The following RNF220 variants were observed in gnomAD, a reference collection of about 807,000 sequenced individuals.
RNF220 encodes the protein E3 ubiquitin-protein ligase RNF220.
A neutral mutation model predicts 67.1 loss-of-function variants in RNF220; 7 were observed. The observed-to-expected ratio is 0.10, with a 90% CI of 0.06 to 0.20. The LOEUF is 0.20. Among genes scored for constraint, RNF220 ranks in the 10% least tolerant of loss-of-function variants. The pLI is 1.00. For synonymous variants in RNF220, 270 were observed against 283.2 expected (o/e 0.95, Z 0.47); for missense variants, 565 against 740.3 (o/e 0.76, Z 2.75).
At chr1:44,466,053 A>G (rs1448377989) in intron 2 of RNF220, among the ~76,000 whole-genome samples, 3 of 152,246 alleles carry the variant, frequency 2.0e-5, no homozygotes, top group African/African-American at 7.2e-5. Context: ...TTTTACTCAC[A>G]GTAGAACTTC....
intron 2 of RNF220, among the ~76,000 whole-genome samples, chr1:44,451,797 T>G (rs543298461): frequency 3.3e-5 from 5 of 152,214 alleles, no homozygotes; most frequent in African/African-American, 1.2e-4. Flanking sequence ...ATTTTTGTAT[T>G]TTTGGTACAG....
chr1:44,566,901 G>A (rs76656074), intron 2 of RNF220, among the ~76,000 whole-genome samples: 2 of 152,334 alleles, frequency 1.3e-5, no homozygotes, highest in African/African-American at 4.8e-5. Flanking sequence ...CCATCCCCCT[G>A]TGGTTTTCAG....
Position 44,624,037 on chromosome 1 carries a change from C to A in RNF220, c.804+1250C>A, listed in dbSNP as rs1039943200. On this transcript the variant is annotated intron_variant, in intron 4 of 14. Transcript: ENST00000361799. The surrounding 1 kb of genome is among the most constrained non-coding windows in gnomAD (Gnocchi z 4.2). ...CAAAGGTATAGGAATGGATCGTGTA[C>A]CTTCGTTTAGAAAACTGCTCACCTG... is the stretch of plus-strand genomic sequence containing the variant. 6.6e-6 allele frequency among the ~76,000 whole-genome samples: 1 copy of A among 152,220 alleles called. No individual in the cohort carries two copies. The highest frequency in any genetic ancestry group is 1.5e-5 in the Non-Finnish European group (1 of 68,038).
chr1:44,483,550 A>G (rs1656022137), intron 2 of RNF220, among the ~76,000 whole-genome samples: 2 of 152,184 alleles, frequency 1.3e-5, no homozygotes, highest in South Asian at 4.1e-4. Context: ...CCAGGCCCAG[A>G]GCTAGCTAAA....
intron 2 of RNF220, among the ~76,000 whole-genome samples, chr1:44,509,885 C>A (rs4601623): frequency 0.83 from 87,252 of 105,566 alleles, 34,903 homozygotes; most frequent in South Asian, 0.9. Flanking sequence ...AGACCCTGTC[C>A]AAAAAAAAAA....
At chr1:44,535,135 C>CTTTTT (rs903715852) in intron 2 of RNF220, among the ~76,000 whole-genome samples, 11 of 103,000 alleles carry the variant, frequency 1.1e-4, no homozygotes, top group East Asian at 2.8e-4. Flanking sequence ...GCAGCTTCTT[C>CTTTTT]TTTTTTTTTT....
At position 44,478,172 on chromosome 1, in the gene RNF220, G is replaced by A. The variant is rs948816744; in HGVS notation, c.625+65450G>A. Reference sequence around the variant, plus strand: ...TTTTTATATTTTTAGTAGAGACGGGGTTTCACCATGTTAGCCAGTCTGGTC... The same window carrying A: ...TTTTTATATTTTTAGTAGAGACGGGATTTCACCATGTTAGCCAGTCTGGTC... On this transcript the variant is annotated intron_variant, in intron 2 of 14. Coordinates refer to ENST00000361799, the MANE Select transcript of RNF220 (RefSeq NM_018150.4). Among the ~76,000 whole-genome samples the A allele has an allele frequency of 7.2e-5, 11 of 152,150 alleles. 2 individuals carry two copies. The South Asian group carries it at 1.7e-3, about 23-fold the overall frequency.
intron 2 of RNF220, among the ~76,000 whole-genome samples, chr1:44,552,812 G>A (rs771940230): frequency 5.9e-5 from 9 of 151,810 alleles, no homozygotes; most frequent in Admixed American, 3.3e-4. Context: ...CTCGTGATCC[G>A]CCCGCCTTGG....
At chr1:44,426,281 A>G (rs1649762663) in intron 2 of RNF220, among the ~76,000 whole-genome samples, 1 of 152,150 alleles carries the variant, frequency 6.6e-6, no homozygotes, top group African/African-American at 2.4e-5. Context: ...TGCCCTAGAG[A>G]TCTTTCCTAG....
At chr1:44,610,886 C>T (rs973302013) in intron 2 of RNF220, among the ~76,000 whole-genome samples, 16 of 152,202 alleles carry the variant, frequency 1.1e-4, no homozygotes, top group African/African-American at 3.6e-4. Flanking sequence ...ACAGCCCCCT[C>T]GTCTTGGCCA....
At chr1:44,413,651 T>C (rs564529753) in intron 2 of RNF220, among the ~76,000 whole-genome samples, 1 of 152,326 alleles carries the variant, frequency 6.6e-6, no homozygotes, top group African/African-American at 2.4e-5. Flanking sequence ...ATTTATGAAC[T>C]GAGGGTGTTT....
chr1:44,552,559 A>ACTG (rs1558036282), intron 2 of RNF220, among the ~76,000 whole-genome samples: 7 of 103,272 alleles, frequency 6.8e-5, no homozygotes, highest in Admixed American at 1.4e-4. Flanking sequence ...GCTATTCTAA[A>ACTG]CTTCTTCTTT....
chr1:44,458,123 G>A (rs540880179), intron 2 of RNF220, among the ~76,000 whole-genome samples: 44 of 151,982 alleles, frequency 2.9e-4, no homozygotes, highest in African/African-American at 9.9e-4. Flanking sequence ...AATTAGCAGG[G>A]CATGGTGTAG....
At chr1:44,619,341 G>A (rs1184585879) in intron 3 of RNF220, among the ~76,000 whole-genome samples, 2 of 152,218 alleles carry the variant, frequency 1.3e-5, no homozygotes, top group East Asian at 1.9e-4. Context: ...GGGAGGCTGG[G>A]TGACTCTAGA....
At chr1:44,576,531 C>G (rs1664815005) in intron 2 of RNF220, among the ~76,000 whole-genome samples, 1 of 152,118 alleles carries the variant, frequency 6.6e-6, no homozygotes, top group East Asian at 1.9e-4. Flanking sequence ...GACTGGGGAG[C>G]CCTGGGCAAG....
intron 2 of RNF220, among the ~76,000 whole-genome samples, chr1:44,583,809 C>G (rs924361510): frequency 4.7e-4 from 72 of 152,206 alleles, no homozygotes; most frequent in African/African-American, 1.6e-3. Context: ...CAAATTGTAT[C>G]TGACACAGGG....
chr1:44,452,629 T>G (rs893829566), intron 2 of RNF220, among the ~76,000 whole-genome samples: 11 of 152,032 alleles, frequency 7.2e-5, no homozygotes, highest in Non-Finnish European at 1.5e-4. Flanking sequence ...CTTTTTTATT[T>G]TATTTTACTT....
chr1:44,591,959 A>C (rs570005934), intron 2 of RNF220, among the ~76,000 whole-genome samples: 1 of 151,962 alleles, frequency 6.6e-6, no homozygotes, highest in African/African-American at 2.4e-5. Flanking sequence ...TCACAGTGGT[A>C]TCTTAGGTGC....
Position 44,632,400 on chromosome 1 carries a change from G to GCCCCCGCCCCCCCC in RNF220, c.949+19_949+20insCGCCCCCCCCCCCC. The GCCCCCGCCCCCCCC allele has an allele frequency of 6.2e-7, 1 of 1,607,452 alleles. No homozygotes were observed. Among genetic ancestry groups the GCCCCCGCCCCCCCC allele is most frequent in the Non-Finnish European group, 8.5e-7 (1 of 1,177,492 alleles). On this transcript the variant is annotated intron_variant, in intron 6 of 14. Transcript: ENST00000361799. ...CCGACTGAATGGTGAGTCCTGCCCG[G>GCCCCCGCCCCCCCC]CCCCTCCCTCCGCCCCACCCCCGGC... is the stretch of plus-strand genomic sequence containing the variant.
Sources: gnomAD v4.1 joint callset for allele counts (sites outside exome capture counted in the v4.1 genomes callset) on GRCh38, gnomAD v4.1.1 for gene constraint, Gnocchi (gnomAD v3.1) non-coding constraint, MANE v1.5 for transcripts, NCBI Gene and HGNC (gene_info 2026-07-23, HGNC 2026-07-21) for gene names.